The following UBA2 variants were observed in gnomAD, a reference collection of about 807,000 sequenced individuals.
The protein encoded by UBA2 is SUMO-activating enzyme subunit 2.
A neutral mutation model predicts 77.2 loss-of-function variants in UBA2; 11 were observed. That is an observed-to-expected ratio of 0.14 (90% CI 0.09 to 0.24). The LOEUF (loss-of-function observed/expected upper bound fraction) is 0.24, where lower values mean the gene tolerates loss of function less well. Among genes scored for constraint, UBA2 ranks in the 10% least tolerant of loss-of-function variants. The probability of loss-of-function intolerance (pLI) is 1.00; values close to 1 mark genes in which losing one functional copy is unlikely to be tolerated. For missense variants in UBA2, 487 were observed against 781.7 expected, an observed-to-expected ratio of 0.62 and a Z score of 4.50; for synonymous variants, 278 against 276.7, an observed-to-expected ratio of 1.00 and a Z score of -0.05.
At chr19:34,456,371 C>T (rs1370877696) in intron 12 of UBA2, among the ~76,000 whole-genome samples, 4 of 151,830 alleles carry the variant, frequency 2.6e-5, no homozygotes, top group Non-Finnish European at 5.9e-5. Context: ...TTCTCAGCCT[C>T]CCAGAGTACT....
chr19:34,435,106 T>G lies in UBA2; in HGVS notation c.459+138T>G, dbSNP rs528454044. ...AGGACTTTTATGCTTATATAAAACT[T>G]AAAATGCGGGGCCAGGTGCAGTGGC... On this transcript the variant is annotated intron_variant, in intron 5 of 16. Transcript: ENST00000246548. 1.3e-4 allele frequency: 80 copies of G among 637,834 alleles called. 1 individual carries two copies. Among genetic ancestry groups the G allele is most frequent in the Middle Eastern group, 4.7e-4 (1 of 2,128 alleles). 39.5% of individuals were successfully genotyped at this position (637,834 alleles called of 1,614,324 possible). A position where few individuals can be genotyped will look rare whatever the true frequency, so the allele number is the denominator to read the frequency against.
intron 15 of UBA2, among the ~76,000 whole-genome samples, chr19:34,465,244 T>A (rs1344635177): frequency 6.6e-6 from 1 of 152,174 alleles, no homozygotes; most frequent in Non-Finnish European, 1.5e-5. Flanking sequence ...CTGCGTCCAG[T>A]TATTTTGTCA....
intron 4 of UBA2, 41 bp from the exon 5 acceptor site, chr19:34,434,824 ATTT>A (rs34502777): frequency 1.5e-6 from 2 of 1,342,970 alleles, no homozygotes; most frequent in African/African-American, 2.9e-5. Context: ...AAGATAACTA[ATTT>A]TTTTTTTCCC....
At chr19:34,433,521 C>T in intron 4 of UBA2, 109 bp downstream of exon 4, 4 of 794,876 alleles carry the variant, frequency 5.0e-6, no homozygotes, top group Non-Finnish European at 8.1e-6. Flanking sequence ...ACTTAAAAGA[C>T]TTAAGAGAAA....
At position 34,428,581 on chromosome 19, in the gene UBA2, GGC is replaced by G. The variant is rs757441495; in HGVS notation, c.138+21_138+22del. On this transcript the variant is annotated intron_variant, in intron 1 of 16. Transcript: ENST00000246548. Reference sequence around the variant, plus strand: ...TCCCACATCGACCTGGTGAGGGCCGGGCGCGCGCGCGTGAATGGCGGGCTGTG... The same window carrying G: ...TCCCACATCGACCTGGTGAGGGCCGGGCGCGCGCGTGAATGGCGGGCTGTG... The G allele has an allele frequency of 7.6e-7, 1 of 1,307,270 alleles. No individual in the cohort carries two copies. Among genetic ancestry groups the G allele is most frequent in the Non-Finnish European group, 9.8e-7 (1 of 1,019,524 alleles). The allele number at this position is 1,307,270 out of a possible 1,614,324, so 81.0% of individuals were successfully genotyped here.
chr19:34,453,409 C>T (rs1472209548), intron 10 of UBA2, among the ~76,000 whole-genome samples: 1 of 151,840 alleles, frequency 6.6e-6, no homozygotes. Flanking sequence ...ATTGTATTGC[C>T]TTATTTGAAG....
chr19:34,438,161 C>T (rs2075330155), intron 5 of UBA2, among the ~76,000 whole-genome samples: 1 of 149,236 alleles, frequency 6.7e-6, no homozygotes, highest in Non-Finnish European at 1.5e-5. Flanking sequence ...TTGTAGTTTA[C>T]TTAATTTCAG....
chr19:34,459,919 A>G (rs183545638), intron 13 of UBA2, among the ~76,000 whole-genome samples: 1 of 152,282 alleles, frequency 6.6e-6, no homozygotes, highest in African/African-American at 2.4e-5. Flanking sequence ...GGAAATAATT[A>G]TCTTTGGTAT....
chr19:34,430,466 C>CGAGA (rs1354901296), intron 1 of UBA2, 110 bp from the exon 2 acceptor site: 7 of 656,704 alleles, frequency 1.1e-5, no homozygotes, highest in Non-Finnish European at 1.8e-5. Flanking sequence ...AACGCTTTCT[C>CGAGA]CACTAATGTA....
chr19:34,428,701 G>T lies in UBA2; in HGVS notation c.138+131G>T, dbSNP rs964238978. 14 of 1,189,548 alleles carry T rather than the reference G, an allele frequency of 1.2e-5. No individual in the cohort carries two copies. The African/African-American group carries it at 2.2e-4, about 19-fold the overall frequency. The allele number at this position is 1,189,548 out of a possible 1,614,324, so 73.7% of individuals were successfully genotyped here. On this transcript the variant is annotated intron_variant, in intron 1 of 16. Transcript: ENST00000246548. ...GACCGGAGTTGCGGAGCGGGGGCAG[G>T]CTGAGAGGCTCGGGTTGTGCCCCCC...
In UBA2 at chr19:34,428,407, C is replaced by T. The variant is rs1599881139; in HGVS notation, c.-26C>T. On this transcript the variant is annotated 5_prime_UTR_variant, in exon 1 of 17. Coordinates refer to ENST00000246548, the MANE Select transcript of UBA2 (RefSeq NM_005499.3). The stretch of plus-strand genomic sequence containing the variant: ...CGGCTCGGTTCTCCCGCCTCCGCCT[C>T]CGCCGCGGCTCGTGGTTGTCCCGCC... The T allele has an allele frequency of 2.4e-6, 3 of 1,242,158 alleles. No homozygotes were observed. The highest frequency in any genetic ancestry group is 4.1e-5 in the Admixed American group (1 of 24,376). 76.9% of individuals were successfully genotyped at this position (1,242,158 alleles called of 1,614,324 possible).
rs1453345471 is a variant in UBA2, at chr19:34,433,022, C to T, written c.294-326C>T. ...GGTGAAGTCAGAGGCCAGGCAGATC[C>T]TGGGAATGTGTTCTTTATGCGTTCC... On this transcript the variant is annotated intron_variant, in intron 3 of 16. Transcript: ENST00000246548. Among the ~76,000 whole-genome samples the T allele has an allele frequency of 3.3e-5, 5 of 152,168 alleles. No homozygotes were observed. The East Asian group carries it at 9.6e-4, about 29-fold the overall frequency.
intron 15 of UBA2, among the ~76,000 whole-genome samples, chr19:34,465,062 A>G (rs1157971505): frequency 6.6e-6 from 1 of 152,172 alleles, no homozygotes; most frequent in African/African-American, 2.4e-5. Flanking sequence ...TTGTCTGTAC[A>G]GATTCCTGAG....
intron 3 of UBA2, 200 bp from the exon 4 acceptor site, chr19:34,433,147 AG>A (rs1477202175): frequency 2.0e-6 from 1 of 489,080 alleles, no homozygotes; most frequent in Non-Finnish European, 3.6e-6. Context: ...CTGGCCAAAA[AG>A]GATAGGAATT....
chr19:34,442,761 C>A lies in UBA2; in HGVS notation c.582-1083C>A, dbSNP rs186749453. ...TGCATTTTAATATAACCTCAATAAA[C>A]CTGTTGTAAAGGTGAAAAATCATTG... On this transcript the variant is annotated intron_variant, in intron 6 of 16. Coordinates refer to ENST00000246548, the MANE Select transcript of UBA2 (RefSeq NM_005499.3). Among the ~76,000 whole-genome samples the A allele has an allele frequency of 2.0e-5, 3 of 152,258 alleles. No homozygotes were observed. In the East Asian group the frequency reaches 5.8e-4, roughly 29 times the overall value.
At chr19:34,467,358 G>A (rs965217627) in intron 16 of UBA2, among the ~76,000 whole-genome samples, 4 of 151,414 alleles carry the variant, frequency 2.6e-5, no homozygotes, top group Admixed American at 2.6e-4. Context: ...TGTAGTCTCC[G>A]CTACTCAGGA....
In UBA2 at chr19:34,444,994, T is replaced by C; in HGVS notation, c.650-6T>C. 1.9e-6 allele frequency: 3 copies of C among 1,610,094 alleles called. No homozygotes were observed. Among genetic ancestry groups the C allele is most frequent in the East Asian group, 2.2e-5 (1 of 44,764 alleles). The stretch of plus-strand genomic sequence containing the variant: ...GGTTGAAAATAAAATAATGATCGTT[T>C]TATAGGGGAACCAACGGAAGCCGAA... On this transcript the variant is annotated splice_region_variant and splice_polypyrimidine_tract_variant and intron_variant, in intron 7 of 16. Transcript: ENST00000246548.
intron 1 of UBA2, 28 bp downstream of exon 1, chr19:34,428,598 G>A (rs2075213407): frequency 3.1e-6 from 4 of 1,304,162 alleles, no homozygotes; most frequent in Non-Finnish European, 3.9e-6. Context: ...GCGCGTGAAT[G>A]GCGGGCTGTG....
chr19:34,448,861 C>G (rs1272203146), intron 8 of UBA2, among the ~76,000 whole-genome samples: 1 of 151,958 alleles, frequency 6.6e-6, no homozygotes, highest in Non-Finnish European at 1.5e-5. Context: ...TGAGGGGCTC[C>G]TGATATTTAG....
Sources: gnomAD v4.1 joint callset for allele counts (sites outside exome capture counted in the v4.1 genomes callset) on GRCh38, gnomAD v4.1.1 for gene constraint, MANE v1.5 for transcripts, NCBI Gene and HGNC (gene_info 2026-07-23, HGNC 2026-07-21) for gene names.